Variants in FILIP1L observed in about 807,000 individuals in gnomAD.
The protein encoded by FILIP1L is filamin A-interacting protein 1-like.
FILIP1L carries 55 observed loss-of-function variants against 96.6 expected under a neutral mutation model. The ratio of observed to expected loss-of-function variants is 0.57; its 90% CI spans 0.46 to 0.71. FILIP1L has a LOEUF of 0.71. Ranked by LOEUF, FILIP1L falls within the 30% of genes least tolerant of loss-of-function variation. The pLI, the probability that FILIP1L is intolerant of heterozygous loss-of-function variation, is 0.00. For missense variants in FILIP1L, 1,304 were observed against 1,321.2 expected (o/e 0.99, Z 0.20); for synonymous variants, 467 against 473.9 (o/e 0.99, Z 0.19).
At chr3:99,888,071 G>C (rs1203739286) in intron 4 of FILIP1L, among the ~76,000 whole-genome samples, 1 of 152,046 alleles carries the variant, frequency 6.6e-6, no homozygotes, top group Non-Finnish European at 1.5e-5. Flanking sequence ...ACTTCTCTTA[G>C]GTACTATCTT....
chr3:100,027,893 G>A (rs1019942037), intron 1 of FILIP1L, among the ~76,000 whole-genome samples: 3 of 152,132 alleles, frequency 2.0e-5, no homozygotes, highest in Non-Finnish European at 2.9e-5. Flanking sequence ...GGAGTGAGAG[G>A]GAAAGTGGTC....
At chr3:100,015,428 A>C (rs1205858607) in intron 1 of FILIP1L, among the ~76,000 whole-genome samples, 1 of 152,184 alleles carries the variant, frequency 6.6e-6, no homozygotes, top group Non-Finnish European at 1.5e-5. Flanking sequence ...AAATCTCATT[A>C]GAATTTTGAT....
chr3:99,900,405 C>A (rs1449367214), intron 4 of FILIP1L, among the ~76,000 whole-genome samples: 1 of 152,032 alleles, frequency 6.6e-6, no homozygotes, highest in Non-Finnish European at 1.5e-5. Context: ...TTACAGCAGC[C>A]CTATAAGGGT....
intron 1 of FILIP1L, among the ~76,000 whole-genome samples, chr3:100,092,696 T>C (rs552311457): frequency 6.7e-6 from 1 of 148,786 alleles, no homozygotes; most frequent in African/African-American, 2.5e-5. Context: ...ATTATTATTT[T>C]AGGTTCTCCC....
chr3:99,949,297 A>T (rs1352872528), intron 1 of FILIP1L, among the ~76,000 whole-genome samples: 2 of 152,192 alleles, frequency 1.3e-5, no homozygotes, highest in African/African-American at 4.8e-5. Context: ...TATTTGTATG[A>T]TTCAGTTTGT....
intron 1 of FILIP1L, among the ~76,000 whole-genome samples, chr3:99,948,073 T>C (rs1459132215): frequency 6.6e-6 from 1 of 152,258 alleles, no homozygotes; most frequent in African/African-American, 2.4e-5. Flanking sequence ...ACATTCTGTT[T>C]CTGATTTATA....
chr3:100,083,355 A>C (rs2065960460), intron 1 of FILIP1L, among the ~76,000 whole-genome samples: 1 of 152,250 alleles, frequency 6.6e-6, no homozygotes, highest in African/African-American at 2.4e-5. Flanking sequence ...GTGGAACAGC[A>C]GCATCAGCAT....
At chr3:99,915,816 T>C (rs1706932509) in intron 4 of FILIP1L, among the ~76,000 whole-genome samples, 1 of 152,206 alleles carries the variant, frequency 6.6e-6, no homozygotes, top group African/African-American at 2.4e-5. Flanking sequence ...TGCATTGCAC[T>C]TATTGATGTT....
At chr3:100,003,417 C>T (rs914427249) in intron 1 of FILIP1L, among the ~76,000 whole-genome samples, 3 of 152,156 alleles carry the variant, frequency 2.0e-5, no homozygotes, top group African/African-American at 7.2e-5. Context: ...AACCAATGCA[C>T]CTAGAATAAA....
At chr3:100,076,706 C>A (rs557306464) in intron 1 of FILIP1L, among the ~76,000 whole-genome samples, 1 of 152,300 alleles carries the variant, frequency 6.6e-6, no homozygotes, top group East Asian at 1.9e-4. Context: ...TTTGACTTCA[C>A]CTCTGTTTCT....
At chr3:100,032,158 G>A (rs544232413) in intron 1 of FILIP1L, among the ~76,000 whole-genome samples, 3 of 152,258 alleles carry the variant, frequency 2.0e-5, no homozygotes, top group African/African-American at 7.2e-5. Flanking sequence ...GTTAAAACAT[G>A]GAGTAAAATA....
intron 1 of FILIP1L, among the ~76,000 whole-genome samples, chr3:99,970,848 A>C (rs1335608573): frequency 1.3e-5 from 2 of 152,218 alleles, no homozygotes; most frequent in Non-Finnish European, 2.9e-5. Context: ...TGTTGTGAGG[A>C]TATTATAGAT....
In FILIP1L at chr3:99,849,176, G is replaced by T. The variant is rs762954322; in HGVS notation, c.2500C>A (p.Gln834Lys). The change falls in exon 5 of 6, where the codon CAA becomes AAA. Residue 834 changes from glutamine (Q) to lysine (K), a missense_variant. Coordinates refer to ENST00000477258, the MANE Select transcript of FILIP1L (RefSeq NM_001387850.1). ...CCCTCATCATTAGGGTCCTCGTCTTGATTCTCACTCTCCTCATATAACTGA... is the reference window on the plus strand; with the variant it reads ...CCCTCATCATTAGGGTCCTCGTCTTTATTCTCACTCTCCTCATATAACTGA... ...NGQLYEESEN[Q>K]DEDPNDEGSV... is the part of the protein sequence containing the mutation. The T allele has an allele frequency of 3.7e-6, 6 of 1,614,038 alleles. No homozygotes were observed. In the Admixed American group the frequency reaches 1.0e-4, roughly 27 times the overall value.
At chr3:99,877,909 G>C (rs972415859) in intron 4 of FILIP1L, among the ~76,000 whole-genome samples, 12 of 152,038 alleles carry the variant, frequency 7.9e-5, no homozygotes, top group African/African-American at 2.2e-4. Context: ...CCCTCTGATA[G>C]GCAAATATGT....
chr3:99,849,302 C>A lies in FILIP1L; in HGVS notation c.2374G>T (p.Asp792Tyr), dbSNP rs766486139. The change falls in exon 5 of 6, where the codon GAT becomes TAT. Residue 792 changes from aspartate (D) to tyrosine (Y), a missense_variant. Transcript: ENST00000477258. ...ACTTCTTTAGAAAATACTTGAGGAT[C>A]GGAAATTCTTCTTCCATTGAGACTA... is the stretch of plus-strand genomic sequence containing the variant. ...RPSLNGRRISDPQVFSKEVQT... is the reference protein window; with the variant it reads ...RPSLNGRRISYPQVFSKEVQT... 1 of 1,613,962 alleles carries A rather than the reference C, an allele frequency of 6.2e-7. No individual in the cohort carries two copies. Among genetic ancestry groups the A allele is most frequent in the East Asian group, 2.2e-5 (1 of 44,896 alleles).
At chr3:99,894,888 A>G (rs984285323) in intron 4 of FILIP1L, among the ~76,000 whole-genome samples, 2 of 152,226 alleles carry the variant, frequency 1.3e-5, no homozygotes, top group African/African-American at 4.8e-5. Flanking sequence ...TTCAAGCTAT[A>G]TTTAGGTCAG....
intron 4 of FILIP1L, among the ~76,000 whole-genome samples, chr3:99,886,680 G>A (rs1444907063): frequency 6.6e-6 from 1 of 152,172 alleles, no homozygotes; most frequent in African/African-American, 2.4e-5. Context: ...GGTGGCCAGC[G>A]TGGTGGCTCA....
intron 4 of FILIP1L, among the ~76,000 whole-genome samples, chr3:99,896,712 C>T (rs566485161): frequency 8.5e-5 from 13 of 152,226 alleles, no homozygotes; most frequent in South Asian, 4.2e-4. Flanking sequence ...CATTTGTTGC[C>T]ATAGCAACCG....
intron 1 of FILIP1L, among the ~76,000 whole-genome samples, chr3:100,033,991 C>T (rs1463955212): frequency 6.6e-6 from 1 of 152,170 alleles, no homozygotes; most frequent in African/African-American, 2.4e-5. Flanking sequence ...CACAACCAGA[C>T]ACACAGTATG....
Sources: allele counts gnomAD v4.1 joint callset (sites outside exome capture counted in the v4.1 genomes callset), GRCh38; gene constraint gnomAD v4.1.1; transcripts MANE v1.5; gene names NCBI Gene and HGNC (gene_info 2026-07-23, HGNC 2026-07-21).